PTPRD: variants seen among roughly 807,000 people sequenced by gnomAD.
PTPRD encodes protein tyrosine phosphatase receptor type D.
PTPRD carries 34 observed loss-of-function variants against 214.5 expected under a neutral mutation model. The ratio of observed to expected loss-of-function variants is 0.16; its 90% CI spans 0.12 to 0.21. PTPRD has a LOEUF of 0.21. Among genes scored for constraint, PTPRD ranks in the 10% least tolerant of loss-of-function variants. The pLI is 1.00. For missense variants in PTPRD, 2,545 were observed against 2,398.7 expected (o/e 1.06, Z -1.27); for synonymous variants, 1,128 against 845.7 (o/e 1.33, Z -5.79).
chr9:8,412,769 C>G (rs1198751957), intron 35 of PTPRD, among the ~76,000 whole-genome samples: 1 of 152,130 alleles, frequency 6.6e-6, no homozygotes, highest in Non-Finnish European at 1.5e-5. Flanking sequence ...ACAAATAAAT[C>G]TATTTCTGCT....
At chr9:10,014,283 G>T (rs1249419792) in intron 4 of PTPRD, among the ~76,000 whole-genome samples, 1 of 151,956 alleles carries the variant, frequency 6.6e-6, no homozygotes, top group Non-Finnish European at 1.5e-5. Context: ...TAAGTAATTT[G>T]AGCTGCAATT....
At chr9:9,563,112 T>C (rs1480929369) in intron 8 of PTPRD, among the ~76,000 whole-genome samples, 2 of 152,142 alleles carry the variant, frequency 1.3e-5, no homozygotes, top group African/African-American at 4.8e-5. Flanking sequence ...AAGAAATATA[T>C]AATGTGTTTC....
intron 8 of PTPRD, among the ~76,000 whole-genome samples, chr9:9,456,981 AT>A (rs112540784): frequency 0.026 from 3,978 of 152,064 alleles, 184 homozygotes; most frequent in African/African-American, 0.091. Context: ...TGTAACAGGC[AT>A]GACAAGTTTG....
chr9:9,042,175 T>G (rs2099642077), intron 10 of PTPRD, among the ~76,000 whole-genome samples: 2 of 152,224 alleles, frequency 1.3e-5, no homozygotes, highest in Non-Finnish European at 2.9e-5. Context: ...TCTGACCGGT[T>G]GTCTCTGTGA....
chr9:8,906,481 G>A (rs1248305581), intron 11 of PTPRD, among the ~76,000 whole-genome samples: 2 of 152,164 alleles, frequency 1.3e-5, no homozygotes, highest in African/African-American at 4.8e-5. Context: ...ACCTCAAGAG[G>A]TGATCAAAGA....
At chr9:9,998,121 A>T (rs865887202) in intron 4 of PTPRD, among the ~76,000 whole-genome samples, 7,024 of 50,140 alleles carry the variant, frequency 0.14, 372 homozygotes, top group Non-Finnish European at 0.19. Flanking sequence ...ATAATAAAAA[A>T]AAAAAAAAAT....
Position 9,003,155 on chromosome 9 carries a change from A to G in PTPRD, c.-104+15542T>C, listed in dbSNP as rs543603587. On this transcript the variant is annotated intron_variant, in intron 11 of 45. Transcript: ENST00000381196. Reference sequence around the variant, plus strand: ...ACTATTATTGAAAGGTTTATTTTATATAACATTCTACTGGACTTTGTCCCA... The same window carrying G: ...ACTATTATTGAAAGGTTTATTTTATGTAACATTCTACTGGACTTTGTCCCA... 4.6e-5 allele frequency among the ~76,000 whole-genome samples: 7 copies of G among 152,158 alleles called. No homozygotes were observed. The South Asian group carries it at 1.2e-3, about 27-fold the overall frequency.
chr9:8,713,585 A>G (rs1254565169), intron 12 of PTPRD: 4 of 1,517,520 alleles, frequency 2.6e-6, no homozygotes, highest in Admixed American at 3.3e-5. Context: ...GGCACCCACA[A>G]CATGTACCGG....
chr9:9,676,883 T>A (rs1192754191), intron 7 of PTPRD, among the ~76,000 whole-genome samples: 5 of 152,192 alleles, frequency 3.3e-5, no homozygotes, highest in Non-Finnish European at 4.4e-5. Flanking sequence ...CCAGTGATGA[T>A]GAGCATTTTT....
intron 12 of PTPRD, among the ~76,000 whole-genome samples, chr9:8,690,296 G>A (rs745728918): frequency 4.6e-5 from 7 of 151,916 alleles, no homozygotes; most frequent in Non-Finnish European, 5.9e-5. Context: ...GGGAGGTCGA[G>A]GCGGGCAGAT....
chr9:8,888,745 G>A (rs1252963760), intron 11 of PTPRD, among the ~76,000 whole-genome samples: 4 of 152,178 alleles, frequency 2.6e-5, no homozygotes, highest in Non-Finnish European at 4.4e-5. Context: ...CCTGGGAACC[G>A]TCATGAGTGA....
intron 9 of PTPRD, among the ~76,000 whole-genome samples, chr9:9,287,436 A>G (rs1402707833): frequency 6.6e-6 from 1 of 151,870 alleles, no homozygotes; most frequent in Non-Finnish European, 1.5e-5. Context: ...AGATTACCAG[A>G]TTGTAGCTAC....
intron 3 of PTPRD, among the ~76,000 whole-genome samples, chr9:10,139,085 AAAG>A (rs1439388996): frequency 2.6e-5 from 4 of 152,118 alleles, no homozygotes; most frequent in African/African-American, 4.8e-5. Context: ...CCAAATAGAA[AAAG>A]AAGAAGTCAA....
chr9:10,282,854 T>C (rs1320655948), intron 3 of PTPRD, among the ~76,000 whole-genome samples: 2 of 152,128 alleles, frequency 1.3e-5, no homozygotes, highest in African/African-American at 2.4e-5. Context: ...AGGCAAAGCA[T>C]ACCCTGATAC....
At chr9:9,658,276 G>A (rs1181522664) in intron 7 of PTPRD, among the ~76,000 whole-genome samples, 1 of 151,998 alleles carries the variant, frequency 6.6e-6, no homozygotes, top group African/African-American at 2.4e-5. Flanking sequence ...ATACTAGGTT[G>A]TTTTTGGTGA....
At chr9:8,768,095 G>A (rs59657024) in intron 11 of PTPRD, among the ~76,000 whole-genome samples, 6,779 of 152,166 alleles carry the variant, frequency 0.045, 379 homozygotes, top group African/African-American at 0.13. Flanking sequence ...CTGAATTTGC[G>A]TCTTTAAAAG....
At chr9:9,963,573 T>C (rs544076819) in intron 4 of PTPRD, among the ~76,000 whole-genome samples, 2 of 152,298 alleles carry the variant, frequency 1.3e-5, no homozygotes, top group South Asian at 4.1e-4. Context: ...TACACAAGTA[T>C]AGAGTTTATT....
intron 9 of PTPRD, among the ~76,000 whole-genome samples, chr9:9,197,849 C>A (rs901906593): frequency 3.3e-5 from 5 of 152,064 alleles, no homozygotes. Context: ...TACTTTTTAT[C>A]TTTTTCTTTA....
intron 11 of PTPRD, among the ~76,000 whole-genome samples, chr9:8,905,646 G>A (rs1022469811): frequency 2.6e-5 from 4 of 151,448 alleles, no homozygotes; most frequent in Non-Finnish European, 5.9e-5. Context: ...GGCTGAGTCA[G>A]GAGAATCACT....
Sources: gnomAD v4.1 joint callset for allele counts (sites outside exome capture counted in the v4.1 genomes callset) on GRCh38, gnomAD v4.1.1 for gene constraint, MANE v1.5 for transcripts, NCBI Gene and HGNC (gene_info 2026-07-23, HGNC 2026-07-21) for gene names.